The following WHAMM variants were observed in gnomAD, a reference collection of about 807,000 sequenced individuals.
WHAMM encodes the protein WASP homolog-associated protein with actin, membranes and microtubules.
In WHAMM, 67 loss-of-function variants were observed where a neutral mutation model predicts 76.5. The ratio of observed to expected loss-of-function variants is 0.88; its 90% CI spans 0.72 to 1.07. The LOEUF is 1.07. Ranked by LOEUF, WHAMM falls within the 50% of genes least tolerant of loss-of-function variation. The pLI, the probability that WHAMM is intolerant of heterozygous loss-of-function variation, is 0.00. For synonymous variants in WHAMM, 419 were observed against 422.1 expected, an observed-to-expected ratio of 0.99 and a Z score of 0.09; for missense variants, 1,021 against 1,051.1, an observed-to-expected ratio of 0.97 and a Z score of 0.40.
chr15:82,813,364 T>A, intron 2 of WHAMM, 88 bp downstream of exon 2: 1 of 1,191,370 alleles, frequency 8.4e-7, no homozygotes. Context: ...AATCTCTGTT[T>A]GTACTTTGTT....
At chr15:82,830,365 C>T (rs1566998683) in intron 8 of WHAMM, among the ~76,000 whole-genome samples, 1 of 151,974 alleles carries the variant, frequency 6.6e-6, no homozygotes, top group Non-Finnish European at 1.5e-5. Context: ...GCTTTCATAT[C>T]TTCATTTTAT....
At position 82,830,636 on chromosome 15, in the gene WHAMM, C is replaced by G. The variant is rs767776490; in HGVS notation, c.1679C>G (p.Ser560Ter). The change falls in exon 9 of 10, where the codon TCA becomes TGA. Residue 560 changes from serine to a stop codon, truncating the protein, a stop_gained. Transcript: ENST00000286760. LOFTEE classifies it high-confidence loss of function. ...LAQSVRNTSG[S>*]EPVAPNLPSD... ...CAATCTGTCCGAAACACCTCTGGCT[C>G]AGAACCTGTGGCTCCAAACCTGCCA... The G allele has an allele frequency of 1.2e-6, 2 of 1,613,894 alleles. No homozygotes were observed. The highest frequency in any genetic ancestry group is 3.3e-5 in the Admixed American group (2 of 60,022).
At chr15:82,810,639 A>G (rs2050613078) in intron 1 of WHAMM, 1 of 985,350 alleles carries the variant, frequency 1.0e-6, no homozygotes, top group African/African-American at 1.7e-5. Context: ...TTGTAACAGG[A>G]AATGCCAGAA....
At chr15:82,817,079 G>A (rs1433755733) in intron 3 of WHAMM, among the ~76,000 whole-genome samples, 1 of 152,214 alleles carries the variant, frequency 6.6e-6, no homozygotes, top group Non-Finnish European at 1.5e-5. Context: ...GAGAGACATG[G>A]GCTCTGAGGG....
chr15:82,830,704 G>A lies in WHAMM; in HGVS notation c.1747G>A (p.Val583Met). The change falls in exon 9 of 10, where the codon GTG (valine) becomes ATG (methionine). Residue 583 changes from valine (V) to methionine (M), a missense_variant. Coordinates refer to ENST00000286760, the MANE Select transcript of WHAMM (RefSeq NM_001080435.3). ...QQMCLPASHA[V>M]SVIHPSSRKT... ...GATGTGCTTGCCAGCTTCCCACGCG[G>A]TGTCAGTAATTCACCCGTCCTCTAG... 2 of 1,613,996 alleles carry A rather than the reference G, an allele frequency of 1.2e-6. No homozygotes were observed. Among genetic ancestry groups the A allele is most frequent in the Non-Finnish European group, 1.7e-6 (2 of 1,179,892 alleles).
intron 8 of WHAMM, among the ~76,000 whole-genome samples, chr15:82,829,234 G>A (rs183996491): frequency 6.6e-6 from 1 of 152,340 alleles, no homozygotes; most frequent in African/African-American, 2.4e-5. Flanking sequence ...ACTTCAGGAA[G>A]GTGAGGCAGG....
At chr15:82,812,471 G>A (rs1180235891) in intron 1 of WHAMM, among the ~76,000 whole-genome samples, 6 of 152,052 alleles carry the variant, frequency 3.9e-5, no homozygotes, top group Non-Finnish European at 7.4e-5. Flanking sequence ...CTCGTGATCC[G>A]CCCACCTCAG....
intron 2 of WHAMM, among the ~76,000 whole-genome samples, chr15:82,813,993 T>G (rs1388472003): frequency 2.0e-5 from 3 of 152,098 alleles, no homozygotes; most frequent in Non-Finnish European, 4.4e-5. Context: ...ATTTATTTGC[T>G]TCAGCTTGTT....
chr15:82,828,732 GTTAA>G (rs201198161), intron 8 of WHAMM, among the ~76,000 whole-genome samples: 2,120 of 152,312 alleles, frequency 0.014, 39 homozygotes, highest in African/African-American at 0.045. Context: ...GGAACAATTA[GTTAA>G]ACGCTAACAA....
At chr15:82,825,021 A>G (rs970574754) in intron 6 of WHAMM, among the ~76,000 whole-genome samples, 3 of 152,100 alleles carry the variant, frequency 2.0e-5, no homozygotes, top group Non-Finnish European at 2.9e-5. Context: ...GCTACTCAAG[A>G]GGCTGAGGCA....
In WHAMM at chr15:82,835,200, C is replaced by T. The variant is rs1056951256; in HGVS notation, c.*1664C>T. The T allele has an allele frequency of 4.6e-5, 7 of 151,974 alleles. No homozygotes were observed. Among genetic ancestry groups the T allele is most frequent in the African/African-American group, 1.7e-4 (7 of 41,320 alleles). The allele number at this position is 151,974 out of a possible 1,614,324, so 9.4% of individuals were successfully genotyped here. A position where few individuals can be genotyped will look rare whatever the true frequency, so the allele number is the denominator to read the frequency against. On this transcript the variant is annotated 3_prime_UTR_variant, in exon 10 of 10. Coordinates refer to ENST00000286760, the MANE Select transcript of WHAMM (RefSeq NM_001080435.3). ...GGAGTGCGGTGGCACGATCTCAGCT[C>T]ACTGCAACCTCTGCCTCCTGGGTTC...
chr15:82,826,371 T>C (rs2050933486), intron 6 of WHAMM, 39 bp from the exon 7 acceptor site: 1 of 1,605,196 alleles, frequency 6.2e-7, no homozygotes, highest in African/African-American at 1.3e-5. Flanking sequence ...ACCAGGGTAA[T>C]ATTAAAAACC....
Position 82,835,768 on chromosome 15 carries a change from CATCAGGTCCAGATCCCAGA to C in WHAMM, c.*2233_*2251del, listed in dbSNP as rs1024169511. On this transcript the variant is annotated 3_prime_UTR_variant, in exon 10 of 10. Coordinates refer to ENST00000286760, the MANE Select transcript of WHAMM (RefSeq NM_001080435.3). The stretch of plus-strand genomic sequence containing the variant: ...CGCAACCTGCGGGCTACTCGCTGGG[CATCAGGTCCAGATCCCAGA>C]GACAGGTCCAGTGGCTGTGGCCCAG... The C allele has an allele frequency of 2.0e-5, 3 of 152,358 alleles. No individual in the cohort carries two copies. The highest frequency in any genetic ancestry group is 6.5e-5 in the Admixed American group (1 of 15,286). 9.4% of individuals were successfully genotyped at this position (152,358 alleles called of 1,614,324 possible). A position where few individuals can be genotyped will look rare whatever the true frequency, so the allele number is the denominator to read the frequency against.
chr15:82,826,543 A>G, intron 7 of WHAMM, 47 bp downstream of exon 7: 1 of 1,598,978 alleles, frequency 6.3e-7, no homozygotes. Context: ...GTAGCGTGAC[A>G]TGCAGGCCTA....
chr15:82,814,861 C>A (rs1324947466), intron 2 of WHAMM, among the ~76,000 whole-genome samples: 1 of 147,350 alleles, frequency 6.8e-6, no homozygotes, highest in Non-Finnish European at 1.5e-5. Flanking sequence ...CCTCTGCCTC[C>A]TGGGTTCACG....
At chr15:82,828,263 A>C (rs2050969585) in intron 8 of WHAMM, among the ~76,000 whole-genome samples, 1 of 152,222 alleles carries the variant, frequency 6.6e-6, no homozygotes, top group South Asian at 2.1e-4. Context: ...GTTCAAGGTT[A>C]AACAGCAGGA....
rs1480786659 is a variant in WHAMM, at chr15:82,833,446, C to CT, written c.2340_2341insT (p.Ile781TyrfsTer14). ...GACGCACCAGTGACCTTGAGAGGAG[C>CT]ATCAAGGCTGCGCTCCAGAGAATCA... On this transcript the variant is annotated frameshift_variant, in exon 10 of 10. Transcript: ENST00000286760. LOFTEE classifies it high-confidence loss of function. 1.3e-5 allele frequency: 21 copies of CT among 1,614,020 alleles called. No individual in the cohort carries two copies. Among genetic ancestry groups the CT allele is most frequent in the Non-Finnish European group, 1.8e-5 (21 of 1,179,896 alleles).
At chr15:82,819,544 G>T in intron 5 of WHAMM, 56 bp downstream of exon 5, 1 of 919,550 alleles carries the variant, frequency 1.1e-6, no homozygotes, top group Non-Finnish European at 1.5e-6. Context: ...AGGAAATACA[G>T]ACCATATTAT....
Position 82,809,999 on chromosome 15 carries a change from C to T in WHAMM, c.273C>T (p.His91=). Residue 91 remains histidine (H), a synonymous_variant, in exon 1 of 10, where the codon CAC becomes CAT. Coordinates refer to ENST00000286760, the MANE Select transcript of WHAMM (RefSeq NM_001080435.3). The part of the protein sequence containing the change: ...LLSAAGLRGA[H]RQLAALWPPL... ...CGGCCGCGGGGCTCCGCGGCGCGCA[C>T]CGGCAGTTGGCGGCGCTGTGGCCGC... 7.9e-7 allele frequency: 1 copy of T among 1,271,398 alleles called. No homozygotes were observed. The allele number at this position is 1,271,398 out of a possible 1,614,324, so 78.8% of individuals were successfully genotyped here.
Sources: gnomAD v4.1 joint callset for allele counts (sites outside exome capture counted in the v4.1 genomes callset) on GRCh38, gnomAD v4.1.1 for gene constraint, MANE v1.5 for transcripts, NCBI Gene and HGNC (gene_info 2026-07-23, HGNC 2026-07-21) for gene names.